HDAC4: variants seen among roughly 807,000 people sequenced by gnomAD.
The protein encoded by HDAC4 is histone deacetylase 4.
A neutral mutation model predicts 135.1 loss-of-function variants in HDAC4; 16 were observed. The observed-to-expected ratio is 0.12, with a 90% confidence interval of 0.08 to 0.18. The LOEUF (loss-of-function observed/expected upper bound fraction) is 0.18, where lower values mean the gene tolerates loss of function less well. Ranked by LOEUF, HDAC4 falls within the 10% of genes least tolerant of loss-of-function variation. The pLI is 1.00. For synonymous variants in HDAC4, 685 were observed against 653.4 expected, an observed-to-expected ratio of 1.05 and a Z score of -0.74; for missense variants, 1,143 against 1,511.8, an observed-to-expected ratio of 0.76 and a Z score of 4.05.
intron 11 of HDAC4, among the ~76,000 whole-genome samples, chr2:239,129,607 C>T (rs1158496768): frequency 1.3e-5 from 2 of 152,150 alleles, no homozygotes; most frequent in Non-Finnish European, 1.5e-5. Flanking sequence ...AACAGCTGAC[C>T]CTGGCTCCTG....
At chr2:239,340,753 G>A (rs1204035259) in intron 2 of HDAC4, among the ~76,000 whole-genome samples, 1 of 152,144 alleles carries the variant, frequency 6.6e-6, no homozygotes, top group African/African-American at 2.4e-5. Flanking sequence ...ACACTGAGAG[G>A]ACATCTGTGC....
At chr2:239,394,622 T>C (rs1440786384) in intron 1 of HDAC4, among the ~76,000 whole-genome samples, 1 of 152,194 alleles carries the variant, frequency 6.6e-6, no homozygotes, top group Non-Finnish European at 1.5e-5. Flanking sequence ...GAGCATGTAA[T>C]CTCCAAAATC....
intron 1 of HDAC4, among the ~76,000 whole-genome samples, chr2:239,382,663 G>C (rs1193069795): frequency 1.3e-5 from 2 of 152,138 alleles, no homozygotes; most frequent in South Asian, 2.1e-4. Flanking sequence ...CTGTGGGTGG[G>C]GCCAGGCCAG....
intron 6 of HDAC4, chr2:239,162,144 C>T: frequency 4.4e-6 from 2 of 456,812 alleles, no homozygotes; most frequent in Non-Finnish European, 8.8e-6. Context: ...TGCTCTAGTC[C>T]TCCAACTCCC....
At chr2:239,294,726 C>T (rs889937153) in intron 2 of HDAC4, among the ~76,000 whole-genome samples, 1 of 152,046 alleles carries the variant, frequency 6.6e-6, no homozygotes, top group African/African-American at 2.4e-5. Flanking sequence ...TCGGAGGCCT[C>T]GGAGGCAGCA....
chr2:239,383,449 G>A (rs1695562350), intron 1 of HDAC4, among the ~76,000 whole-genome samples: 1 of 152,228 alleles, frequency 6.6e-6, no homozygotes. Flanking sequence ...GGGCAGGCAG[G>A]GGCAGGGGTG....
At chr2:239,268,326 G>GGC (rs1013438226) in intron 2 of HDAC4, among the ~76,000 whole-genome samples, 6 of 152,196 alleles carry the variant, frequency 3.9e-5, no homozygotes, top group African/African-American at 1.4e-4. Context: ...GAAGGAGCAG[G>GGC]GCCCATTCCA....
chr2:239,261,973 C>T (rs559221849), intron 2 of HDAC4, among the ~76,000 whole-genome samples: 79 of 152,296 alleles, frequency 5.2e-4, no homozygotes, highest in African/African-American at 1.8e-3. Context: ...CTTCGTGAGC[C>T]CCCGGCCCCT....
Position 239,177,250 on chromosome 2 carries a change from C to T in HDAC4, c.340-687G>A, listed in dbSNP as rs933040986. Among the ~76,000 whole-genome samples the T allele has an allele frequency of 2.8e-4, 42 of 152,284 alleles. 1 individual carries two copies. The highest frequency in any genetic ancestry group is 3.4e-3 in the Middle Eastern group (1 of 294). Reference sequence around the variant, plus strand: ...GAGAGAAGAGGCAAGACTGAAAGACCCTCCGCTGAGCCTCTGCACTTGCAG... The same window carrying T: ...GAGAGAAGAGGCAAGACTGAAAGACTCTCCGCTGAGCCTCTGCACTTGCAG... On this transcript the variant is annotated intron_variant, in intron 4 of 26. Coordinates refer to ENST00000543185, the MANE Select transcript of HDAC4 (RefSeq NM_001378414.1).
chr2:239,144,476 G>GT (rs1377827073), intron 8 of HDAC4, 107 bp downstream of exon 8: 3 of 1,426,344 alleles, frequency 2.1e-6, no homozygotes, highest in Non-Finnish European at 2.0e-6. Flanking sequence ...GGTTGACAGC[G>GT]TGAGGCAGAC....
In HDAC4 at chr2:239,272,000, C is replaced by CA. The variant is rs374180022; in HGVS notation, c.23-35337dup. Among the ~76,000 whole-genome samples, 420 of 151,834 alleles carry CA rather than the reference C, an allele frequency of 2.8e-3. 2 individuals are homozygous for CA. Among genetic ancestry groups the CA allele is most frequent in the African/African-American group, 9.6e-3 (398 of 41,442 alleles). ...CAGTAATGACAAAAAAGCACAGTTT[C>CA]AAAAAAAATCAACAAAGAAACCCAG... On this transcript the variant is annotated intron_variant, in intron 2 of 26. Transcript: ENST00000543185.
chr2:239,106,344 T>G (rs1027841594), intron 15 of HDAC4, among the ~76,000 whole-genome samples: 1 of 151,978 alleles, frequency 6.6e-6, no homozygotes, highest in Non-Finnish European at 1.5e-5. Context: ...TGGGGGCACA[T>G]GTAGGGGAGG....
At chr2:239,158,836 G>A (rs974281416) in intron 6 of HDAC4, among the ~76,000 whole-genome samples, 6 of 152,206 alleles carry the variant, frequency 3.9e-5, no homozygotes, top group East Asian at 1.9e-4. Flanking sequence ...TGCCCTCCGC[G>A]AAGAAGCGTC....
chr2:239,355,640 C>A lies in HDAC4; in HGVS notation c.-219-2722G>T, dbSNP rs373422152. Among the ~76,000 whole-genome samples the A allele has an allele frequency of 8.5e-5, 13 of 152,306 alleles. No homozygotes were observed. The East Asian group carries it at 2.3e-3, about 27-fold the overall frequency. ...TTCAGAGGCATATTCTTCTGCACTTCAGGGTATTTCCCTCTTCCATACATT... is the reference window on the plus strand; with the variant it reads ...TTCAGAGGCATATTCTTCTGCACTTAAGGGTATTTCCCTCTTCCATACATT... On this transcript the variant is annotated intron_variant, in intron 1 of 26. Transcript: ENST00000543185.
At position 239,051,649 on chromosome 2, in the gene HDAC4, G is replaced by A. The variant is rs1158382276; in HGVS notation, c.*1448C>T. 6.6e-6 allele frequency: 1 copy of A among 152,616 alleles called. No homozygotes were observed. The highest frequency in any genetic ancestry group is 1.5e-5 in the Non-Finnish European group (1 of 68,036). The allele number at this position is 152,616 out of a possible 1,614,324, so 9.5% of individuals were successfully genotyped here. On this transcript the variant is annotated 3_prime_UTR_variant, in exon 27 of 27. Coordinates refer to ENST00000543185, the MANE Select transcript of HDAC4 (RefSeq NM_001378414.1). ...AAGGCTTGGAGACGGGAGCGGTTCT[G>A]TTAGAAAATAATTAAAATGAAAGTA...
At chr2:239,198,439 G>A (rs1372882459) in intron 3 of HDAC4, among the ~76,000 whole-genome samples, 2 of 152,152 alleles carry the variant, frequency 1.3e-5, no homozygotes, top group Non-Finnish European at 2.9e-5. Context: ...GTGAGAGCTG[G>A]GCCTTCAGTG....
rs185622682 is a variant in HDAC4, at chr2:239,050,316, G to C, written c.*2781C>G. On this transcript the variant is annotated 3_prime_UTR_variant, in exon 27 of 27. Coordinates refer to ENST00000543185, the MANE Select transcript of HDAC4 (RefSeq NM_001378414.1). Reference sequence around the variant, plus strand: ...TCATCTGCTTAAAAAAAAAAAGTGAGATGATGCATTCCTCCCCATAAGCCA... The same window carrying C: ...TCATCTGCTTAAAAAAAAAAAGTGACATGATGCATTCCTCCCCATAAGCCA... 2.6e-5 allele frequency: 4 copies of C among 152,282 alleles called. No homozygotes were observed. In the East Asian group the frequency reaches 7.7e-4, roughly 29 times the overall value. 9.4% of individuals were successfully genotyped at this position (152,282 alleles called of 1,614,324 possible). A position where few individuals can be genotyped will look rare whatever the true frequency, so the allele number is the denominator to read the frequency against.
At chr2:239,312,602 T>G (rs2052935510) in intron 2 of HDAC4, among the ~76,000 whole-genome samples, 1 of 152,212 alleles carries the variant, frequency 6.6e-6, no homozygotes, top group Non-Finnish European at 1.5e-5. Context: ...TCACCTTTCC[T>G]CTATGCGTCC....
At chr2:239,190,149 C>CA (rs1228775233) in intron 3 of HDAC4, 72 bp from the exon 4 acceptor site, 2 of 1,522,438 alleles carry the variant, frequency 1.3e-6, no homozygotes, top group Non-Finnish European at 1.8e-6. Context: ...AGCCCCCACC[C>CA]AACACACTGG....
Sources: gnomAD v4.1 joint callset for allele counts (sites outside exome capture counted in the v4.1 genomes callset) on GRCh38, gnomAD v4.1.1 for gene constraint, MANE v1.5 for transcripts, NCBI Gene and HGNC (gene_info 2026-07-23, HGNC 2026-07-21) for gene names.